The following ZC3H12B variants were observed in gnomAD, a reference collection of about 807,000 sequenced individuals.
ZC3H12B encodes the protein zinc finger CCCH-type containing 12B.
Under a neutral mutation model 43.9 loss-of-function variants are expected in ZC3H12B, and 7 were observed. The ratio of observed to expected loss-of-function variants is 0.16; its 90% CI spans 0.09 to 0.30. ZC3H12B has a LOEUF of 0.30. Ranked by LOEUF, ZC3H12B falls within the 10% of genes least tolerant of loss-of-function variation. The pLI is 1.00. For synonymous variants in ZC3H12B, 222 were observed against 241.7 expected, an observed-to-expected ratio of 0.92 and a Z score of 0.76; for missense variants, 475 against 670.2, an observed-to-expected ratio of 0.71 and a Z score of 3.22.
the ZC3H12B span, among the ~76,000 whole-genome samples, chrX:65,215,183 T>G: frequency 8.9e-6 from 1 of 112,009 alleles, no homozygotes; most frequent in Non-Finnish European, 1.9e-5. Context: ...TTTGGAATGG[T>G]AAATGAGCAT....
At chrX:65,035,589 G>A in the ZC3H12B span, among the ~76,000 whole-genome samples, 1 of 111,051 alleles carries the variant, frequency 9.0e-6, no homozygotes, top group African/African-American at 3.3e-5. Context: ...TGCCGTGCTC[G>A]CCCCTTTCCC....
the ZC3H12B span, among the ~76,000 whole-genome samples, chrX:65,104,785 A>C: frequency 3.6e-5 from 4 of 111,839 alleles, no homozygotes; most frequent in East Asian, 8.5e-4. Context: ...GAGAAATAGG[A>C]ATGGTTGTAC....
At chrX:65,129,149 T>G in the ZC3H12B span, among the ~76,000 whole-genome samples, 1 of 109,991 alleles carries the variant, frequency 9.1e-6, no homozygotes, top group African/African-American at 3.3e-5. Context: ...TGTGTGGTAC[T>G]TGAACATTTT....
chrX:65,085,273 G>C, the ZC3H12B span, among the ~76,000 whole-genome samples: 1 of 111,646 alleles, frequency 9.0e-6, no homozygotes, highest in Non-Finnish European at 1.9e-5. Flanking sequence ...TAATTGGACT[G>C]TTTGTAACAC....
the ZC3H12B span, among the ~76,000 whole-genome samples, chrX:65,162,654 A>T: frequency 6.3e-5 from 7 of 111,497 alleles, no homozygotes; most frequent in Admixed American, 6.7e-4. Flanking sequence ...TGGTTATTCT[A>T]GTTATACATT....
chrX:65,397,388 C>A (rs1052519663), intron 2 of ZC3H12B, among the ~76,000 whole-genome samples: 1 of 111,524 alleles, frequency 9.0e-6, no homozygotes, highest in East Asian at 2.8e-4. Flanking sequence ...GTAAGGCAGG[C>A]CTGGTGGTAC....
chrX:65,170,860 C>G, the ZC3H12B span, among the ~76,000 whole-genome samples: 5 of 112,037 alleles, frequency 4.5e-5, no homozygotes, highest in Non-Finnish European at 9.4e-5. Flanking sequence ...TCACCTAGTT[C>G]TCGTACCATG....
intron 2 of ZC3H12B, among the ~76,000 whole-genome samples, chrX:65,390,686 A>C (rs887246288): frequency 4.6e-5 from 5 of 109,340 alleles, no homozygotes; most frequent in Non-Finnish European, 9.5e-5. Flanking sequence ...AAATATATCA[A>C]CAAACACCAG....
chrX:65,095,316 T>C, the ZC3H12B span, among the ~76,000 whole-genome samples: 2 of 111,872 alleles, frequency 1.8e-5, no homozygotes, highest in Non-Finnish European at 3.8e-5. Context: ...TTCTGATTTA[T>C]GGTCTGGCAT....
chrX:65,237,145 C>T, the ZC3H12B span, among the ~76,000 whole-genome samples: 6 of 111,800 alleles, frequency 5.4e-5, no homozygotes, highest in Admixed American at 3.8e-4. Context: ...TGCAATATGG[C>T]CATTTTCATA....
the ZC3H12B span, chrX:65,271,843 GT>G: frequency 6.3e-6 from 1 of 158,898 alleles, no homozygotes. Context: ...GGCTTATTCA[GT>G]TTTGCTTCTC....
the ZC3H12B span, among the ~76,000 whole-genome samples, chrX:65,161,273 T>C: frequency 9.0e-6 from 1 of 111,685 alleles, no homozygotes; most frequent in African/African-American, 3.3e-5. Flanking sequence ...AGATATCTAT[T>C]AGGTCCGCTT....
the ZC3H12B span, among the ~76,000 whole-genome samples, chrX:65,083,596 AT>A: frequency 8.9e-6 from 1 of 111,847 alleles, no homozygotes; most frequent in African/African-American, 3.2e-5. Context: ...GATGAAAGAA[AT>A]TGAAGAGGAC....
the ZC3H12B span, among the ~76,000 whole-genome samples, chrX:65,257,642 A>T: frequency 9.0e-6 from 1 of 111,186 alleles, no homozygotes; most frequent in Non-Finnish European, 1.9e-5. Flanking sequence ...AGACTGCCAG[A>T]TAGACTAATA....
At chrX:65,128,583 G>T in the ZC3H12B span, among the ~76,000 whole-genome samples, 1 of 111,871 alleles carries the variant, frequency 8.9e-6, no homozygotes, top group Non-Finnish European at 1.9e-5. Flanking sequence ...TTGGTTTGTA[G>T]TGTTCTTGCA....
chrX:65,151,999 G>C, the ZC3H12B span, among the ~76,000 whole-genome samples: 1 of 111,832 alleles, frequency 8.9e-6, no homozygotes, highest in Admixed American at 9.5e-5. Flanking sequence ...TATCTCAATA[G>C]ATACAGAAAA....
intron 2 of ZC3H12B, among the ~76,000 whole-genome samples, chrX:65,371,234 G>A (rs938124040): frequency 4.5e-5 from 5 of 111,859 alleles, no homozygotes; most frequent in African/African-American, 1.6e-4. Context: ...GGTAGAATTA[G>A]CATAATCCTT....
chrX:65,398,052 A>T (rs1230775857), intron 2 of ZC3H12B, among the ~76,000 whole-genome samples: 1 of 112,116 alleles, frequency 8.9e-6, no homozygotes. Context: ...AAAATAAAAT[A>T]CATAGAATTA....
upstream of ZC3H12B, among the ~76,000 whole-genome samples, chrX:65,486,618 C>T (rs1198916295): frequency 8.9e-6 from 1 of 112,305 alleles, no homozygotes; most frequent in African/African-American, 3.2e-5. Flanking sequence ...TCTGCTAAGC[C>T]ACTTATTTCT....
Sources: allele counts gnomAD v4.1 joint callset (sites outside exome capture counted in the v4.1 genomes callset), GRCh38; gene constraint gnomAD v4.1.1; transcripts MANE v1.5; gene names NCBI Gene and HGNC (gene_info 2026-07-23, HGNC 2026-07-21).